The following FHIT variants were observed in gnomAD, a reference collection of about 807,000 sequenced individuals.
FHIT encodes the protein fragile histidine triad diadenosine triphosphatase.
FHIT carries 19 observed loss-of-function variants against 17.9 expected under a neutral mutation model. That is an observed-to-expected ratio of 1.06 (90% CI 0.74 to 1.56). The LOEUF (loss-of-function observed/expected upper bound fraction) is 1.56, where lower values mean the gene tolerates loss of function less well. Ranked by LOEUF, FHIT falls within the 40% of genes most tolerant of loss-of-function variation. The pLI is 0.00. For synonymous variants in FHIT, 81 were observed against 69.7 expected, an observed-to-expected ratio of 1.16 and a Z score of -0.81; for missense variants, 248 against 189.2, an observed-to-expected ratio of 1.31 and a Z score of -1.82.
rs1281567026 is a variant in FHIT at position 60,019,415 on chromosome 3, C to CTTTTTTTTTTTTTTTTTTTTTTTTT, written c.104-5264_104-5263insAAAAAAAAAAAAAAAAAAAAAAAAA. Among the ~76,000 whole-genome samples, 157 of 121,054 alleles carry CTTTTTTTTTTTTTTTTTTTTTTTTT rather than the reference C, an allele frequency of 1.3e-3. 3 individuals carry two copies. The highest frequency in any genetic ancestry group is 4.5e-3 in the Middle Eastern group (1 of 220). 79.4% of individuals were successfully genotyped at this position (121,054 alleles called of 152,430 possible). ...ATGGCATTTTAGAGTTGAGATGCTC[C>CTTTTTTTTTTTTTTTTTTTTTTTTT]TTTTTTTTTTTTTTTTTCCTGAGAT... On this transcript the variant is annotated intron_variant, in intron 5 of 9. Transcript: ENST00000492590.
chr3:59,916,300 G>A (rs964583189), intron 8 of FHIT, among the ~76,000 whole-genome samples: 3 of 152,072 alleles, frequency 2.0e-5, no homozygotes, highest in Admixed American at 2.0e-4. Flanking sequence ...TTATACCAGT[G>A]GTTTGCCAGG....
chr3:60,053,238 T>C (rs772632445), intron 5 of FHIT, among the ~76,000 whole-genome samples: 3 of 151,796 alleles, frequency 2.0e-5, no homozygotes, highest in Non-Finnish European at 4.4e-5. Flanking sequence ...CCACCTAAAG[T>C]AGGCTATCCC....
intron 5 of FHIT, among the ~76,000 whole-genome samples, chr3:60,095,342 G>A (rs569269514): frequency 6.6e-6 from 1 of 152,238 alleles, no homozygotes; most frequent in South Asian, 2.1e-4. Context: ...ACATTGGAAG[G>A]TTTTACCAAA....
chr3:60,274,456 T>C (rs1163323710), intron 5 of FHIT, among the ~76,000 whole-genome samples: 4 of 152,190 alleles, frequency 2.6e-5, no homozygotes, highest in Admixed American at 1.3e-4. Flanking sequence ...ATCTTATATA[T>C]GGAATGAATG....
chr3:61,044,952 A>G lies in FHIT; in HGVS notation c.-163-2853T>C, dbSNP rs374402049. Among the ~76,000 whole-genome samples the G allele has an allele frequency of 2.0e-5, 3 of 152,372 alleles. No homozygotes were observed. In the East Asian group the frequency reaches 5.8e-4, roughly 29 times the overall value. Reference sequence around the variant, plus strand: ...AATACTGAGAGATTTAGCCACCACCAGGCCTGCCTTACAAGAGCTCCTGAA... The same window carrying G: ...AATACTGAGAGATTTAGCCACCACCGGGCCTGCCTTACAAGAGCTCCTGAA... On this transcript the variant is annotated intron_variant, in intron 2 of 9. Coordinates refer to ENST00000492590, the MANE Select transcript of FHIT (RefSeq NM_002012.4).
At chr3:60,306,281 G>A (rs1371716463) in intron 5 of FHIT, among the ~76,000 whole-genome samples, 2 of 152,098 alleles carry the variant, frequency 1.3e-5, no homozygotes, top group East Asian at 3.9e-4. Context: ...TTCCCAAGAA[G>A]TTAAAATTAA....
intron 3 of FHIT, among the ~76,000 whole-genome samples, chr3:60,970,816 A>C (rs1449917253): frequency 2.6e-5 from 4 of 152,170 alleles, no homozygotes; most frequent in Non-Finnish European, 4.4e-5. Flanking sequence ...TATTATGGAT[A>C]ATTCCCAACA....
At chr3:59,909,989 C>G (rs1704790177) in intron 8 of FHIT, among the ~76,000 whole-genome samples, 1 of 151,980 alleles carries the variant, frequency 6.6e-6, no homozygotes. Flanking sequence ...CATTTATATG[C>G]CACTCTTTCC....
At chr3:59,869,992 C>T (rs1702846851) in intron 8 of FHIT, among the ~76,000 whole-genome samples, 1 of 152,224 alleles carries the variant, frequency 6.6e-6, no homozygotes, top group South Asian at 2.1e-4. Context: ...CTATTCTTGG[C>T]ATCAGCTATA....
chr3:60,150,119 C>T (rs1361728482), intron 5 of FHIT, among the ~76,000 whole-genome samples: 2 of 149,992 alleles, frequency 1.3e-5, no homozygotes, highest in Non-Finnish European at 3.0e-5. Context: ...CCTCAGCCTT[C>T]CTGAGTAGCT....
chr3:60,350,479 AC>A (rs1246233329), intron 5 of FHIT, among the ~76,000 whole-genome samples: 1 of 152,168 alleles, frequency 6.6e-6, no homozygotes, highest in Non-Finnish European at 1.5e-5. Context: ...ATTGTACGTA[AC>A]GTCACAATTT....
intron 5 of FHIT, among the ~76,000 whole-genome samples, chr3:60,133,855 A>AC: frequency 6.6e-6 from 1 of 152,132 alleles, no homozygotes; most frequent in Middle Eastern, 3.4e-3. Flanking sequence ...TAAAAAAAAA[A>AC]ACATGTTTCC....
intron 5 of FHIT, among the ~76,000 whole-genome samples, chr3:60,037,457 A>T (rs553163061): frequency 6.8e-6 from 1 of 147,506 alleles, no homozygotes; most frequent in Non-Finnish European, 1.5e-5. Context: ...ATCTTGGCTC[A>T]CTGCAACCTC....
chr3:60,461,762 C>T (rs1055031093), intron 5 of FHIT, among the ~76,000 whole-genome samples: 2 of 152,158 alleles, frequency 1.3e-5, no homozygotes, highest in African/African-American at 4.8e-5. Context: ...CAAAGGTTTC[C>T]AGAGGCAGTC....
At chr3:60,571,335 CAAAAAA>C (rs56094072) in intron 4 of FHIT, among the ~76,000 whole-genome samples, 3,226 of 53,716 alleles carry the variant, frequency 0.06, 41 homozygotes, top group Middle Eastern at 0.079. Context: ...GACTCCATCG[CAAAAAA>C]AAAAAAAAAA....
chr3:60,864,829 A>T (rs1469405940), intron 3 of FHIT, among the ~76,000 whole-genome samples: 1 of 152,132 alleles, frequency 6.6e-6, no homozygotes, highest in Non-Finnish European at 1.5e-5. Flanking sequence ...GACACTTATT[A>T]ATACAACTTA....
At chr3:60,464,147 T>C (rs563220496) in intron 5 of FHIT, among the ~76,000 whole-genome samples, 3 of 152,230 alleles carry the variant, frequency 2.0e-5, no homozygotes, top group African/African-American at 7.2e-5. Flanking sequence ...AAAGATCTTG[T>C]CTCTTGCTCA....
At chr3:59,891,203 T>C (rs1703839530) in intron 8 of FHIT, among the ~76,000 whole-genome samples, 1 of 152,186 alleles carries the variant, frequency 6.6e-6, no homozygotes, top group Non-Finnish European at 1.5e-5. Flanking sequence ...CTGGGGTCAG[T>C]TGCCAACTCT....
At chr3:60,927,775 C>T (rs889847624) in intron 3 of FHIT, among the ~76,000 whole-genome samples, 2 of 150,300 alleles carry the variant, frequency 1.3e-5, no homozygotes. Context: ...GGTGAGGAGC[C>T]CCTCTGCCCG....
Sources: allele counts gnomAD v4.1 joint callset (sites outside exome capture counted in the v4.1 genomes callset), GRCh38; gene constraint gnomAD v4.1.1; transcripts MANE v1.5; gene names NCBI Gene and HGNC (gene_info 2026-07-23, HGNC 2026-07-21).